The following XYLT1 variants were observed in gnomAD, a reference collection of about 807,000 sequenced individuals.
XYLT1 encodes xylosyltransferase 1, also known as beta-D-xylosyltransferase 1.
XYLT1 carries 36 observed loss-of-function variants against 91.3 expected under a neutral mutation model. That is an observed-to-expected ratio of 0.39 (90% CI 0.30 to 0.52). The LOEUF (loss-of-function observed/expected upper bound fraction) is 0.52, where lower values mean the gene tolerates loss of function less well. XYLT1 is among the 20% of genes least tolerant of loss of function. The probability of loss-of-function intolerance (pLI) is 0.68; values close to 1 mark genes in which losing one functional copy is unlikely to be tolerated. For missense variants in XYLT1, 1,242 were observed against 1,284.5 expected, an observed-to-expected ratio of 0.97 and a Z score of 0.51; for synonymous variants, 588 against 532.0, an observed-to-expected ratio of 1.11 and a Z score of -1.45.
intron 1 of XYLT1, among the ~76,000 whole-genome samples, chr16:17,379,725 GAT>G (rs1491322113): frequency 2.2e-4 from 28 of 128,494 alleles, no homozygotes; most frequent in African/African-American, 4.6e-4. Context: ...TGAAATGAAG[GAT>G]ATCTCTCTCT....
intron 3 of XYLT1, among the ~76,000 whole-genome samples, chr16:17,204,240 C>G (rs1567321670): frequency 6.6e-6 from 1 of 152,224 alleles, no homozygotes; most frequent in Non-Finnish European, 1.5e-5. Flanking sequence ...TCTTTTACAA[C>G]TTCTCTTTAG....
At chr16:17,173,392 C>T (rs374654070) in intron 5 of XYLT1, among the ~76,000 whole-genome samples, 5 of 152,166 alleles carry the variant, frequency 3.3e-5, no homozygotes, top group East Asian at 1.9e-4. Flanking sequence ...TTTGGTGTTC[C>T]GAGGCATCCA....
chr16:17,333,292 T>C (rs568827964), intron 2 of XYLT1, among the ~76,000 whole-genome samples: 1 of 152,234 alleles, frequency 6.6e-6, no homozygotes, highest in Non-Finnish European at 1.5e-5. Context: ...CATTTCATCA[T>C]GTGATCCATA....
intron 5 of XYLT1, among the ~76,000 whole-genome samples, chr16:17,170,937 G>A (rs1455669068): frequency 2.0e-5 from 3 of 152,072 alleles, no homozygotes; most frequent in Admixed American, 6.5e-5. Flanking sequence ...TTAGCTAGTC[G>A]ATGCTCAATT....
rs1335510048 is a variant in XYLT1 at position 17,211,803 on chromosome 16, T to G, written c.914-11149A>C. On this transcript the variant is annotated intron_variant, in intron 3 of 11. Coordinates refer to ENST00000261381, the MANE Select transcript of XYLT1 (RefSeq NM_022166.4). Reference sequence around the variant, plus strand: ...AAAGCCTCATGTTCTCAGAATGGCTTCAAAACTATCGTCTCCCCTAGAGCA... The same window carrying G: ...AAAGCCTCATGTTCTCAGAATGGCTGCAAAACTATCGTCTCCCCTAGAGCA... Among the ~76,000 whole-genome samples, 3 of 152,160 alleles carry G rather than the reference T, an allele frequency of 2.0e-5. No homozygotes were observed. In the East Asian group the frequency reaches 5.8e-4, roughly 29 times the overall value.
intron 11 of XYLT1, among the ~76,000 whole-genome samples, chr16:17,117,408 G>A (rs963931114): frequency 6.6e-6 from 1 of 152,074 alleles, no homozygotes; most frequent in Non-Finnish European, 1.5e-5. Flanking sequence ...AGTTGAATGG[G>A]GGAGCGTCTA....
chr16:17,206,389 C>T (rs555392573), intron 3 of XYLT1, among the ~76,000 whole-genome samples: 3 of 152,044 alleles, frequency 2.0e-5, no homozygotes, highest in East Asian at 1.9e-4. Flanking sequence ...CCCCTGCTCT[C>T]GATGGGTTTA....
At chr16:17,188,064 A>T (rs8058164) in intron 5 of XYLT1, among the ~76,000 whole-genome samples, 91,302 of 151,674 alleles carry the variant, frequency 0.6, 29,837 homozygotes, top group African/African-American at 0.86. Flanking sequence ...CCTGGCTCTG[A>T]GTGACTAAAA....
At chr16:17,304,021 G>A (rs1404427032) in intron 2 of XYLT1, among the ~76,000 whole-genome samples, 2 of 151,956 alleles carry the variant, frequency 1.3e-5, no homozygotes, top group African/African-American at 4.8e-5. Context: ...GTGTGTACAG[G>A]TGCATGCAGA....
chr16:17,465,556 T>TC (rs1491299976), intron 1 of XYLT1, among the ~76,000 whole-genome samples: 1 of 101,232 alleles, frequency 9.9e-6, no homozygotes, highest in Non-Finnish European at 2.4e-5. Flanking sequence ...TGTTTTTTTT[T>TC]GGGGGGGGGG....
chr16:17,200,764 C>T, intron 3 of XYLT1, 110 bp from the exon 4 acceptor site: 1 of 1,217,200 alleles, frequency 8.2e-7, no homozygotes, highest in East Asian at 2.4e-5. Context: ...GGGGCACAGT[C>T]ATCAAATTGG....
chr16:17,198,678 C>A (rs964271430), intron 4 of XYLT1, among the ~76,000 whole-genome samples: 2 of 152,198 alleles, frequency 1.3e-5, no homozygotes, highest in African/African-American at 4.8e-5. Flanking sequence ...TAGGCTTGGG[C>A]TGGTGGTGCC....
At chr16:17,344,968 T>G (rs938419931) in intron 2 of XYLT1, among the ~76,000 whole-genome samples, 3 of 152,142 alleles carry the variant, frequency 2.0e-5, no homozygotes, top group Non-Finnish European at 4.4e-5. Flanking sequence ...CCCAAAGTTC[T>G]AGGATTATAC....
At position 17,312,898 on chromosome 16, in the gene XYLT1, A is replaced by T. The variant is rs1313540764; in HGVS notation, c.402+45114T>A. On this transcript the variant is annotated intron_variant, in intron 2 of 11. Transcript: ENST00000261381. This position sits in a 1 kb window ranked among gnomAD's most constrained non-coding sequence, Gnocchi z 4.4. ...ATCAGAGATGTTTCTGAGGGTACTC[A>T]TATTTGAAAAGGACTTCTAGGTGTC... Among the ~76,000 whole-genome samples, 1 of 152,228 alleles carries T rather than the reference A, an allele frequency of 6.6e-6. No homozygotes were observed. The highest frequency in any genetic ancestry group is 1.5e-5 in the Non-Finnish European group (1 of 68,044).
intron 2 of XYLT1, among the ~76,000 whole-genome samples, chr16:17,294,780 G>C (rs1176360460): frequency 6.6e-6 from 1 of 152,152 alleles, no homozygotes; most frequent in Non-Finnish European, 1.5e-5. Context: ...ATCTGAAAAT[G>C]ACAGTTCTAG....
rs771027871 is a variant in XYLT1, at chr16:17,138,460, G to C, written c.1659C>G (p.Thr553=). 17 of 1,614,172 alleles carry C rather than the reference G, an allele frequency of 1.1e-5. No homozygotes were observed. The highest frequency in any genetic ancestry group is 1.3e-5 in the African/African-American group (1 of 75,034). Residue 553 remains threonine, a synonymous_variant, in exon 8 of 12, where the codon ACC becomes ACG. Transcript: ENST00000261381. Reference sequence around the variant, plus strand: ...TGCAGCCCAGCTTGCGATTCCAGTTGGTGATGCGCAGGTTGTTGTCCACCA... The same window carrying C: ...TGCAGCCCAGCTTGCGATTCCAGTTCGTGATGCGCAGGTTGTTGTCCACCA... ...DTMVDNNLRI[T]NWNRKLGCKC...
At chr16:17,249,023 C>T (rs1186306665) in intron 3 of XYLT1, among the ~76,000 whole-genome samples, 2 of 152,086 alleles carry the variant, frequency 1.3e-5, no homozygotes, top group South Asian at 4.2e-4. Context: ...ACCTGGCCTA[C>T]GTGCACATTT....
At chr16:17,323,088 G>T (rs1442299060) in intron 2 of XYLT1, among the ~76,000 whole-genome samples, 1 of 152,232 alleles carries the variant, frequency 6.6e-6, no homozygotes, top group Non-Finnish European at 1.5e-5. Context: ...AGCTCTCCAG[G>T]CAAGCTGGCC....
intron 1 of XYLT1, among the ~76,000 whole-genome samples, chr16:17,381,482 C>G (rs561287556): frequency 7.3e-6 from 1 of 137,584 alleles, no homozygotes. Flanking sequence ...TGGATTGGAG[C>G]GCAGTGGCAT....
Sources: allele counts gnomAD v4.1 joint callset (sites outside exome capture counted in the v4.1 genomes callset), GRCh38; gene constraint gnomAD v4.1.1; non-coding constraint Gnocchi (gnomAD v3.1); transcripts MANE v1.5; gene names NCBI Gene and HGNC (gene_info 2026-07-23, HGNC 2026-07-21).